LAMA3: variants seen among roughly 807,000 people sequenced by gnomAD.
LAMA3 encodes laminin subunit alpha-3.
Under a neutral mutation model 402.0 loss-of-function variants are expected in LAMA3, and 281 were observed. The ratio of observed to expected loss-of-function variants is 0.70; its 90% confidence interval spans 0.63 to 0.77. LAMA3 has a LOEUF of 0.77. Ranked by LOEUF, LAMA3 falls within the 30% of genes least tolerant of loss-of-function variation. The pLI is 0.00. For synonymous variants in LAMA3, 1,431 were observed against 1,558.4 expected (o/e 0.92, Z 1.93); for missense variants, 3,840 against 4,215.5 (o/e 0.91, Z 2.47).
At chr18:23,884,011 C>CA (rs1473128996) in intron 40 of LAMA3, among the ~76,000 whole-genome samples, 3 of 150,884 alleles carry the variant, frequency 2.0e-5, no homozygotes, top group African/African-American at 4.9e-5. Context: ...GTGTCATGTC[C>CA]AGTGGCAGAC....
intron 12 of LAMA3, among the ~76,000 whole-genome samples, chr18:23,787,579 A>C (rs2062570343): frequency 6.6e-6 from 1 of 152,226 alleles, no homozygotes; most frequent in Non-Finnish European, 1.5e-5. Flanking sequence ...AAGCAGGAAA[A>C]AAAAGACTCA....
chr18:23,932,496 G>T lies in LAMA3; in HGVS notation c.8708+205G>T, dbSNP rs1568361140. 16 of 534,938 alleles carry T rather than the reference G, an allele frequency of 3.0e-5. 1 individual carries two copies. The highest frequency in any genetic ancestry group is 4.7e-5 in the Non-Finnish European group (14 of 298,154). The allele number at this position is 534,938 out of a possible 1,614,324, so 33.1% of individuals were successfully genotyped here. ...TCCTGGGCCCGGCCTCCTTTTGGAGGAGCAGCGTTAGCATGTAACCTTGGA... is the reference window on the plus strand; with the variant it reads ...TCCTGGGCCCGGCCTCCTTTTGGAGTAGCAGCGTTAGCATGTAACCTTGGA... On this transcript the variant is annotated intron_variant, in intron 66 of 74. Transcript: ENST00000313654.
chr18:23,836,966 T>C lies in LAMA3; in HGVS notation c.2985-15T>C, dbSNP rs760556946. 8.8e-6 allele frequency: 14 copies of C among 1,596,546 alleles called. No individual in the cohort carries two copies. The East Asian group carries it at 2.9e-4, about 33-fold the overall frequency. On this transcript the variant is annotated splice_polypyrimidine_tract_variant and intron_variant, in intron 24 of 74. Transcript: ENST00000313654. ...GCCGGGAGTCAGGCTAAGAAAACTC[T>C]GTTTTCTCTTGCAGTGTTCTCTGCC...
intron 24 of LAMA3, among the ~76,000 whole-genome samples, chr18:23,836,137 ACACACT>A (rs1568236090): frequency 7.2e-6 from 1 of 139,726 alleles, no homozygotes; most frequent in Non-Finnish European, 1.6e-5. Context: ...ACACACACAC[ACACACT>A]CACATAGGGG....
At position 23,901,163 on chromosome 18, in the gene LAMA3, AG is replaced by A; in HGVS notation, c.6046del (p.Glu2016ArgfsTer13). 6.2e-7 allele frequency: 1 copy of A among 1,614,218 alleles called. No homozygotes were observed. The highest frequency in any genetic ancestry group is 8.5e-7 in the Non-Finnish European group (1 of 1,180,022). On this transcript the variant is annotated frameshift_variant, in exon 48 of 75. Transcript: ENST00000313654. LOFTEE classifies it high-confidence loss of function. ...NRIRTWQKTHQGENNGLANSI... is the reference protein window; with the variant it reads ...NRIRTWQKTHXGENNGLANSI... ...ATAAGGACCTGGCAGAAAACCCACC[AG>A]GGGGAGAACAATGGGCTTGCTAACA...
chr18:23,820,912 A>G (rs2063272818), intron 19 of LAMA3, among the ~76,000 whole-genome samples: 1 of 152,160 alleles, frequency 6.6e-6, no homozygotes, highest in African/African-American at 2.4e-5. Context: ...ACCTGGCCAA[A>G]GTCCCCCATC....
chr18:23,700,338 C>G (rs188621309), intron 1 of LAMA3, among the ~76,000 whole-genome samples: 118 of 152,132 alleles, frequency 7.8e-4, no homozygotes, highest in African/African-American at 2.7e-3. Context: ...ACATAGGGAA[C>G]AGGAAAATAG....
intron 27 of LAMA3, among the ~76,000 whole-genome samples, chr18:23,842,007 A>G (rs1046765368): frequency 1.3e-5 from 2 of 152,174 alleles, no homozygotes; most frequent in Non-Finnish European, 2.9e-5. Flanking sequence ...CCTTCTTGCA[A>G]ACATTACACA....
chr18:23,854,453 A>G (rs912866449), intron 32 of LAMA3, among the ~76,000 whole-genome samples: 4 of 152,070 alleles, frequency 2.6e-5, no homozygotes, highest in African/African-American at 9.7e-5. Context: ...CATCCTGGCT[A>G]ACATGGTGAA....
At chr18:23,909,517 A>G (rs1898099873) in intron 55 of LAMA3, among the ~76,000 whole-genome samples, 1 of 152,124 alleles carries the variant, frequency 6.6e-6, no homozygotes, top group Admixed American at 6.5e-5. Flanking sequence ...TCCTGAAGCA[A>G]TTTGCCCCCA....
chr18:23,913,480 G>C (rs1167379744), intron 56 of LAMA3, among the ~76,000 whole-genome samples: 1 of 152,182 alleles, frequency 6.6e-6, no homozygotes, highest in Non-Finnish European at 1.5e-5. Context: ...ATTTTGAATG[G>C]CTGGCTTTAG....
intron 39 of LAMA3, among the ~76,000 whole-genome samples, chr18:23,877,992 A>G (rs1422337387): frequency 6.6e-6 from 1 of 152,172 alleles, no homozygotes; most frequent in Non-Finnish European, 1.5e-5. Flanking sequence ...GGGCGCCTGC[A>G]ATCCCAGCTA....
chr18:23,714,614 A>G (rs1185107810), intron 2 of LAMA3, among the ~76,000 whole-genome samples: 2 of 152,188 alleles, frequency 1.3e-5, no homozygotes, highest in Non-Finnish European at 2.9e-5. Flanking sequence ...AAATAATTGT[A>G]AATAGTTTCA....
At chr18:23,939,100 G>A (rs2082402694) in intron 67 of LAMA3, 123 bp from the exon 68 acceptor site, 4 of 999,790 alleles carry the variant, frequency 4.0e-6, no homozygotes, top group Non-Finnish European at 6.2e-6. Context: ...ATGGTACCAG[G>A]CCTTCTATTG....
intron 68 of LAMA3, 69 bp from the exon 69 acceptor site, chr18:23,943,715 CTCTG>C (rs758388396): frequency 9.9e-6 from 14 of 1,420,380 alleles, no homozygotes; most frequent in Non-Finnish European, 1.4e-5. Flanking sequence ...GCTCCCCACC[CTCTG>C]TCTCAGTGCT....
At chr18:23,913,595 A>G (rs1049403120) in intron 56 of LAMA3, among the ~76,000 whole-genome samples, 2 of 152,212 alleles carry the variant, frequency 1.3e-5, no homozygotes, top group Admixed American at 6.5e-5. Flanking sequence ...AAATGCTTGA[A>G]ATATGGTTCT....
chr18:23,896,908 A>G (rs1319432956), intron 44 of LAMA3, among the ~76,000 whole-genome samples: 1 of 152,096 alleles, frequency 6.6e-6, no homozygotes, highest in East Asian at 1.9e-4. Context: ...AGAAAGGGGA[A>G]CTCCCACCCA....
chr18:23,869,769 A>G (rs2064461159), intron 37 of LAMA3, among the ~76,000 whole-genome samples: 1 of 152,172 alleles, frequency 6.6e-6, no homozygotes, highest in Non-Finnish European at 1.5e-5. Context: ...ATAAAGGTTA[A>G]AAAGGCAGGC....
rs1312661037 is a variant in LAMA3, at chr18:23,689,798, C to G, written c.115C>G (p.Pro39Ala). 6 of 1,536,566 alleles carry G rather than the reference C, an allele frequency of 3.9e-6. No homozygotes were observed. Among genetic ancestry groups the G allele is most frequent in the Non-Finnish European group, 4.4e-6 (5 of 1,142,228 alleles). Residue 39 changes from proline to alanine, a missense_variant, in exon 1 of 75, where the codon CCC becomes GCC. Pro to Ala is a conservative substitution (Grantham distance 27, BLOSUM62 -1). Coordinates refer to ENST00000313654, the MANE Select transcript of LAMA3 (RefSeq NM_198129.4). ...AGCCTGCGGGGCGACCGCTCGGGATCCCGGGGCCGCGGCCGGGCTCAGCCT... is the reference window on the plus strand; with the variant it reads ...AGCCTGCGGGGCGACCGCTCGGGATGCCGGGGCCGCGGCCGGGCTCAGCCT... Reference protein sequence around the residue: ...LPACGATARDPGAAAGLSLHP... With the variant: ...LPACGATARDAGAAAGLSLHP...
Sources: gnomAD v4.1 joint callset for allele counts (sites outside exome capture counted in the v4.1 genomes callset) on GRCh38, gnomAD v4.1.1 for gene constraint, MANE v1.5 for transcripts, NCBI Gene and HGNC (gene_info 2026-07-23, HGNC 2026-07-21) for gene names.